RAPGEF3: variants seen among roughly 807,000 people sequenced by gnomAD.
RAPGEF3 encodes the protein Rap guanine nucleotide exchange factor 3.
In RAPGEF3, 103 loss-of-function variants were observed where a neutral mutation model predicts 129.8. The ratio of observed to expected loss-of-function variants is 0.79; its 90% CI spans 0.68 to 0.93. The LOEUF is 0.93. Ranked by LOEUF, RAPGEF3 falls within the 40% of genes least tolerant of loss-of-function variation. The pLI, the probability that RAPGEF3 is intolerant of heterozygous loss-of-function variation, is 0.00. For synonymous variants in RAPGEF3, 436 were observed against 482.6 expected (o/e 0.90, Z 1.26); for missense variants, 1,117 against 1,207.4 (o/e 0.93, Z 1.11).
chr12:47,746,479 G>A (rs1354163899), intron 16 of RAPGEF3: 2 of 571,246 alleles, frequency 3.5e-6, no homozygotes, highest in African/African-American at 2.0e-5. Context: ...GACTTTCCAG[G>A]GAGGGGCCTC....
At chr12:47,751,243 G>A in intron 5 of RAPGEF3, 27 bp from the exon 6 acceptor site, 1 of 1,546,432 alleles carries the variant, frequency 6.5e-7, no homozygotes, top group South Asian at 1.2e-5. Flanking sequence ...CAGGCGTGGG[G>A]GAGGAGAGGA....
intron 16 of RAPGEF3, chr12:47,745,468 G>T (rs1486904910): frequency 3.3e-5 from 5 of 152,526 alleles, no homozygotes; most frequent in African/African-American, 1.2e-4. Flanking sequence ...GCCTGCTCTG[G>T]GGTCCTACTC....
In RAPGEF3 at chr12:47,751,897, A is replaced by G. The variant is rs780589667; in HGVS notation, c.273+19T>C. The G allele has an allele frequency of 7.4e-6, 12 of 1,613,956 alleles. No individual in the cohort carries two copies. In the African/African-American group the frequency reaches 1.3e-4, roughly 18 times the overall value. Reference sequence around the variant, plus strand: ...TCATGGTGCTGCCTGTCCCAGCTCCACCCTGCCCAGGCTTCTACCTGCTCC... The same window carrying G: ...TCATGGTGCTGCCTGTCCCAGCTCCGCCCTGCCCAGGCTTCTACCTGCTCC... On this transcript the variant is annotated intron_variant, in intron 3 of 27. Coordinates refer to ENST00000449771, the MANE Select transcript of RAPGEF3 (RefSeq NM_001098531.4).
intron 2 of RAPGEF3, 152 bp downstream of exon 2, chr12:47,757,714 C>A (rs1942166072): frequency 2.8e-6 from 2 of 716,218 alleles, no homozygotes; most frequent in African/African-American, 3.6e-5. Context: ...ACGCACACTG[C>A]AGACAAGCTT....
intron 5 of RAPGEF3, 63 bp from the exon 6 acceptor site, chr12:47,751,279 C>T (rs904693605): frequency 1.3e-6 from 2 of 1,550,048 alleles, no homozygotes; most frequent in African/African-American, 1.4e-5. Context: ...GGTATGAAAC[C>T]CCACTGCGAT....
At position 47,748,437 on chromosome 12, in the gene RAPGEF3, G is replaced by A. The variant is rs547417173; in HGVS notation, c.1243+17C>T. On this transcript the variant is annotated intron_variant, in intron 12 of 27. Transcript: ENST00000449771. ...CCCAATGAGTCAGAAAGCAGGCAGGGTGTCTCTTGCCCTTACCTGTTGGGT... is the reference window on the plus strand; with the variant it reads ...CCCAATGAGTCAGAAAGCAGGCAGGATGTCTCTTGCCCTTACCTGTTGGGT... 8.1e-6 allele frequency: 13 copies of A among 1,605,396 alleles called. No homozygotes were observed. The South Asian group carries it at 1.4e-4, about 18-fold the overall frequency.
intron 5 of RAPGEF3, 46 bp downstream of exon 5, chr12:47,751,353 A>ACTGCC: frequency 6.2e-7 from 1 of 1,610,816 alleles, no homozygotes; most frequent in Non-Finnish European, 8.5e-7. Context: ...TGTCCCCCTC[A>ACTGCC]CTGCCCAGCC....
Position 47,743,994 on chromosome 12 carries a change from C to T in RAPGEF3, c.1671G>A (p.Gly557=), listed in dbSNP as rs751382564. 6.2e-7 allele frequency: 1 copy of T among 1,606,510 alleles called. No individual in the cohort carries two copies. Among genetic ancestry groups the T allele is most frequent in the Admixed American group, 1.7e-5 (1 of 59,986 alleles). ...LPGSSCAIQV[G]DKVPYDICRP... ...CCGGCACAGACCACCAACCTTTATC[C>T]CCAACTTGGATGGCACAGCTGCTGC... The change falls in exon 17 of 28, where the codon GGG becomes GGA. Residue 557 remains glycine (G), a synonymous_variant. Transcript: ENST00000449771.
At chr12:47,753,144 G>A (rs1941853066) in intron 2 of RAPGEF3, among the ~76,000 whole-genome samples, 1 of 152,194 alleles carries the variant, frequency 6.6e-6, no homozygotes, top group African/African-American at 2.4e-5. Flanking sequence ...ATGTAAAATA[G>A]GATCAGATGT....
Position 47,751,157 on chromosome 12 carries a change from C to G in RAPGEF3, c.562G>C (p.Glu188Gln). 1 of 1,557,332 alleles carries G rather than the reference C, an allele frequency of 6.4e-7. No individual in the cohort carries two copies. The highest frequency in any genetic ancestry group is 8.7e-7 in the Non-Finnish European group (1 of 1,150,442). The change falls in exon 6 of 28, where the codon GAG becomes CAG. Residue 188 changes from glutamate (E) to glutamine (Q), a missense_variant. Physicochemically the swap from Glu to Gln is conservative, Grantham distance 29. Transcript: ENST00000449771. ...TCATGAGTTCTCACGGGCTCGGGCT[C>G]GGGCCCGGGGAACCGGTAGAATTGG... Reference protein sequence around the residue: ...DAQFYRFPGPEPEPVRTHEME... With the variant: ...DAQFYRFPGPQPEPVRTHEME...
chr12:47,751,688 A>G (rs1291603069), intron 4 of RAPGEF3, 35 bp downstream of exon 4: 1 of 1,607,588 alleles, frequency 6.2e-7, no homozygotes, highest in Non-Finnish European at 8.5e-7. Context: ...GAAAGCAGTG[A>G]GGCTGGGCAA....
chr12:47,750,222 A>T, intron 7 of RAPGEF3, 119 bp downstream of exon 7: 2 of 1,227,678 alleles, frequency 1.6e-6, no homozygotes, highest in South Asian at 2.6e-5. Context: ...CAGACTGAAA[A>T]TTTCCAGCCA....
chr12:47,748,481 G>A lies in RAPGEF3; in HGVS notation c.1216C>T (p.Pro406Ser). The A allele has an allele frequency of 1.2e-6, 2 of 1,613,836 alleles. No individual in the cohort carries two copies. Among genetic ancestry groups the A allele is most frequent in the Non-Finnish European group, 1.7e-6 (2 of 1,179,946 alleles). Residue 406 changes from proline to serine, a missense_variant, in exon 12 of 28, where the codon CCA (proline) becomes TCA (serine). Coordinates refer to ENST00000449771, the MANE Select transcript of RAPGEF3 (RefSeq NM_001098531.4). ...GTTGGGTCATGAGCACTGGAATCTG[G>A]TCCCATGGCCTCCAACAGAAGCTCT... ...ILELLLEAMG[P>S]DSSAHDPTET...
Position 47,758,053 on chromosome 12 carries a change from C to G in RAPGEF3, c.32G>C (p.Trp11Ser). The change falls in exon 2 of 28, where the codon TGG (tryptophan) becomes TCG (serine). Residue 11 changes from tryptophan to serine, a missense_variant. Physicochemically the swap from Trp to Ser is radical, Grantham distance 177. Around this residue, in one of 3 missense-constraint regions of RAPGEF3, gnomAD observed 367 missense variants for 373.4 expected, o/e 0.98. Coordinates refer to ENST00000449771, the MANE Select transcript of RAPGEF3 (RefSeq NM_001098531.4). Reference protein sequence around the residue: MKVGWPGESCWQVGLAVEDSP... With the variant: MKVGWPGESCSQVGLAVEDSP... The stretch of plus-strand genomic sequence containing the variant: ...ATCCTCCACAGCCAGGCCCACCTGC[C>G]AGCAGCTCTCACCTGGCCAGCCCAC... The G allele has an allele frequency of 6.4e-7, 1 of 1,570,766 alleles. No homozygotes were observed. Among genetic ancestry groups the G allele is most frequent in the African/African-American group, 1.3e-5 (1 of 74,194 alleles).
intron 25 of RAPGEF3, 35 bp downstream of exon 25, chr12:47,738,655 T>A (rs374992509): frequency 4.6e-6 from 7 of 1,533,714 alleles, no homozygotes; most frequent in Non-Finnish European, 6.3e-6. Flanking sequence ...CTCCAACCTA[T>A]GTTAGTAGTG....
At chr12:47,758,371 CCT>C in intron 1 of RAPGEF3, 178 bp downstream of exon 1, 1 of 1,484,594 alleles carries the variant, frequency 6.7e-7, no homozygotes, top group Admixed American at 2.4e-5. Flanking sequence ...ATCTCCACTA[CCT>C]CCCAGTATGA....
chr12:47,743,698 G>T (rs2136757301), intron 17 of RAPGEF3, 22 bp from the exon 18 acceptor site: 1 of 1,596,730 alleles, frequency 6.3e-7, no homozygotes, highest in East Asian at 2.3e-5. Context: ...ACCAGACTGA[G>T]CTGTGGGAAG....
chr12:47,754,975 C>T (rs1319770072), intron 2 of RAPGEF3, among the ~76,000 whole-genome samples: 1 of 152,220 alleles, frequency 6.6e-6, no homozygotes, highest in African/African-American at 2.4e-5. Flanking sequence ...GGCACAGAGC[C>T]AGACAGCCTG....
At chr12:47,743,317 G>A (rs775196660) in intron 18 of RAPGEF3, among the ~76,000 whole-genome samples, 4 of 152,222 alleles carry the variant, frequency 2.6e-5, no homozygotes, top group Admixed American at 1.3e-4. Flanking sequence ...GGCTGGTGCC[G>A]AATGCAAGCA....
Sources: gnomAD v4.1 joint callset for allele counts (sites outside exome capture counted in the v4.1 genomes callset) on GRCh38, gnomAD v4.1.1 for gene constraint, gnomAD v4.1.1 regional missense constraint, MANE v1.5 for transcripts, NCBI Gene and HGNC (gene_info 2026-07-23, HGNC 2026-07-21) for gene names.